Variants in WNT7A observed in about 807,000 individuals in gnomAD.
The protein encoded by WNT7A is Wnt family member 7A.
WNT7A carries 16 observed loss-of-function variants against 28.2 expected under a neutral mutation model. The observed-to-expected ratio is 0.57, with a 90% CI of 0.38 to 0.86. The LOEUF (loss-of-function observed/expected upper bound fraction) is 0.86. Ranked by LOEUF, WNT7A falls within the 40% of genes least tolerant of loss-of-function variation. The probability of loss-of-function intolerance (pLI) is 0.00; values close to 1 mark genes in which losing one functional copy is unlikely to be tolerated. For synonymous variants in WNT7A, 190 were observed against 195.9 expected (o/e 0.97, Z 0.25); for missense variants, 411 against 489.7 (o/e 0.84, Z 1.52).
chr3:13,869,820 G>A (rs1286216873), intron 2 of WNT7A, among the ~76,000 whole-genome samples: 5 of 152,114 alleles, frequency 3.3e-5, no homozygotes, highest in Admixed American at 6.5e-5. Flanking sequence ...ACTGATGTGG[G>A]GCCACACACC....
chr3:13,863,769 C>G (rs186462895), intron 2 of WNT7A: 2 of 152,318 alleles, frequency 1.3e-5, no homozygotes, highest in East Asian at 3.9e-4. Context: ...GTCTTCAAAT[C>G]CATCCTTCTA....
intron 3 of WNT7A, among the ~76,000 whole-genome samples, chr3:13,853,732 G>A (rs552777627): frequency 2.6e-5 from 4 of 152,300 alleles, no homozygotes; most frequent in South Asian, 2.1e-4. Flanking sequence ...ACACTCCCAC[G>A]GGATCCATCC....
At chr3:13,845,270 C>T (rs1396992460) in intron 3 of WNT7A, among the ~76,000 whole-genome samples, 3 of 152,128 alleles carry the variant, frequency 2.0e-5, no homozygotes, top group African/African-American at 4.8e-5. Context: ...TAGTAGTCAA[C>T]GTCTCAGCCC....
In WNT7A at chr3:13,879,910, C is replaced by A; in HGVS notation, c.-94G>T. The A allele has an allele frequency of 5.0e-6, 5 of 1,001,558 alleles. No homozygotes were observed. Among genetic ancestry groups the A allele is most frequent in the Non-Finnish European group, 6.6e-6 (5 of 756,956 alleles). 62.0% of individuals were successfully genotyped at this position (1,001,558 alleles called of 1,614,324 possible). On this transcript the variant is annotated 5_prime_UTR_variant, in exon 1 of 4. Coordinates refer to ENST00000285018, the MANE Select transcript of WNT7A (RefSeq NM_004625.4). ...ATCAACATAGCCCGCCCGGGAGGCG[C>A]GAGCCGAGGCGTCCCCGGGGCCGTC...
chr3:13,842,699 A>C (rs1043754914), intron 3 of WNT7A, among the ~76,000 whole-genome samples: 1 of 152,206 alleles, frequency 6.6e-6, no homozygotes, highest in African/African-American at 2.4e-5. Context: ...GATGCTATTT[A>C]CTGAACCAGG....
At position 13,853,630 on chromosome 3, in the gene WNT7A, C is replaced by A. The variant is rs372754236; in HGVS notation, c.570+902G>T. Among the ~76,000 whole-genome samples the A allele has an allele frequency of 1.7e-4, 26 of 152,350 alleles. No homozygotes were observed. The East Asian group carries it at 4.8e-3, about 28-fold the overall frequency. On this transcript the variant is annotated intron_variant, in intron 3 of 3. Coordinates refer to ENST00000285018, the MANE Select transcript of WNT7A (RefSeq NM_004625.4). ...ATTGGTCTTACAGCCTCTGACAGTT[C>A]CCAGTGTCTGTGTTGCCCACGGGCT...
intron 2 of WNT7A, among the ~76,000 whole-genome samples, chr3:13,869,246 AAAAG>A (rs1339376044): frequency 2.8e-5 from 4 of 144,478 alleles, no homozygotes; most frequent in Non-Finnish European, 6.0e-5. Flanking sequence ...AGAGAGGAAG[AAAAG>A]AAAGAAAGAG....
intron 2 of WNT7A, among the ~76,000 whole-genome samples, chr3:13,862,687 G>A (rs886244310): frequency 6.6e-6 from 1 of 152,204 alleles, no homozygotes; most frequent in Non-Finnish European, 1.5e-5. Context: ...GCGGAGCTTG[G>A]TAAGGTAACA....
At chr3:13,832,342 C>T (rs1231586863) in intron 3 of WNT7A, among the ~76,000 whole-genome samples, 1 of 151,616 alleles carries the variant, frequency 6.6e-6, no homozygotes, top group Non-Finnish European at 1.5e-5. Flanking sequence ...TCCTACTCTT[C>T]CTCCTTCTGC....
At chr3:13,866,391 G>A (rs914412214) in intron 2 of WNT7A, among the ~76,000 whole-genome samples, 10 of 152,342 alleles carry the variant, frequency 6.6e-5, no homozygotes, top group Admixed American at 2.6e-4. Context: ...TATCACTCCC[G>A]TTTGGTCAAG....
rs1694949658 is a variant in WNT7A at position 13,868,578 on chromosome 3, G to GAA, written c.298+6368_298+6369insTT. On this transcript the variant is annotated intron_variant, in intron 2 of 3. Coordinates refer to ENST00000285018, the MANE Select transcript of WNT7A (RefSeq NM_004625.4). ...AAGAAGGGGGAGAGAGAGAGAGAGA[G>GAA]AGAGAGAGAGAGGGAGAAAGAAAGA... is the stretch of plus-strand genomic sequence containing the variant. 3.6e-4 allele frequency among the ~76,000 whole-genome samples: 7 copies of GAA among 19,326 alleles called. 1 individual carries two copies. Among genetic ancestry groups the GAA allele is most frequent in the African/African-American group, 2.3e-3 (7 of 3,084 alleles). The allele number at this position is 19,326 out of a possible 152,430, so 12.7% of individuals were successfully genotyped here. A position where few individuals can be genotyped will look rare whatever the true frequency, so the allele number is the denominator to read the frequency against.
chr3:13,876,661 C>A (rs554720502), intron 1 of WNT7A, among the ~76,000 whole-genome samples: 2 of 152,144 alleles, frequency 1.3e-5, no homozygotes, highest in South Asian at 4.1e-4. Context: ...AAGCGCACAA[C>A]TGATCACTCC....
chr3:13,835,585 C>A (rs1276640577), intron 3 of WNT7A, among the ~76,000 whole-genome samples: 1 of 152,216 alleles, frequency 6.6e-6, no homozygotes, highest in Admixed American at 6.5e-5. Context: ...TCAGTTCAGA[C>A]CCTTCTCTCT....
At chr3:13,856,947 GAA>G (rs1559303314) in intron 2 of WNT7A, among the ~76,000 whole-genome samples, 2 of 122,178 alleles carry the variant, frequency 1.6e-5, no homozygotes, top group African/African-American at 4.0e-5. Flanking sequence ...AGAAGAAGAA[GAA>G]GAAGAAGAAG....
In WNT7A at chr3:13,862,449, A is replaced by G. The variant is rs116528798; in HGVS notation, c.299-7646T>C. Reference sequence around the variant, plus strand: ...GCATTGTATTTTTTTTTCTTTTGCTATTTAAAGCCAATGGGTCAGAGAGCA... The same window carrying G: ...GCATTGTATTTTTTTTTCTTTTGCTGTTTAAAGCCAATGGGTCAGAGAGCA... On this transcript the variant is annotated intron_variant, in intron 2 of 3. Transcript: ENST00000285018. Among the ~76,000 whole-genome samples the G allele has an allele frequency of 5.4e-3, 822 of 152,226 alleles. 10 individuals are homozygous for G. The highest frequency in any genetic ancestry group is 0.019 in the African/African-American group (785 of 41,524).
intron 3 of WNT7A, among the ~76,000 whole-genome samples, chr3:13,844,036 C>G (rs112085630): frequency 6.6e-6 from 1 of 152,114 alleles, no homozygotes; most frequent in Non-Finnish European, 1.5e-5. Context: ...CGGGAGCCAC[C>G]GTGCCTGGCC....
At chr3:13,832,258 T>C (rs147349331) in intron 3 of WNT7A, among the ~76,000 whole-genome samples, 1 of 149,120 alleles carries the variant, frequency 6.7e-6, no homozygotes, top group East Asian at 2.0e-4. Context: ...CTCCTCTTGC[T>C]CCCATCCTCC....
intron 3 of WNT7A, among the ~76,000 whole-genome samples, chr3:13,831,699 C>G (rs942443965): frequency 6.6e-6 from 1 of 152,128 alleles, no homozygotes; most frequent in Non-Finnish European, 1.5e-5. Flanking sequence ...TGGGCAGCCC[C>G]CCAGCCAAAG....
Position 13,819,070 on chromosome 3 carries a change from GC to G in WNT7A, c.923del (p.Cys308SerfsTer73). On this transcript the variant is annotated frameshift_variant, in exon 4 of 4. Coordinates refer to ENST00000285018, the MANE Select transcript of WNT7A (RefSeq NM_004625.4). LOFTEE classifies it high-confidence loss of function. ...APQASGCDLMCCGRGYNTHQY... is the reference protein window; with the variant it reads ...APQASGCDLMXCGRGYNTHQY... Reference sequence around the variant, plus strand: ...GGTGGGTGTTGTAGCCACGCCCACAGCACATGAGGTCACAGCCGCTGGCCTG... The same window carrying G: ...GGTGGGTGTTGTAGCCACGCCCACAGACATGAGGTCACAGCCGCTGGCCTG... 1 of 1,614,074 alleles carries G rather than the reference GC, an allele frequency of 6.2e-7. No homozygotes were observed. The highest frequency in any genetic ancestry group is 8.5e-7 in the Non-Finnish European group (1 of 1,179,954).
Sources: allele counts gnomAD v4.1 joint callset (sites outside exome capture counted in the v4.1 genomes callset), GRCh38; gene constraint gnomAD v4.1.1; transcripts MANE v1.5; gene names NCBI Gene and HGNC (gene_info 2026-07-23, HGNC 2026-07-21).